Variants in NEGR1 observed in about 807,000 individuals in gnomAD.
NEGR1 encodes the protein IgLON family member 4.
NEGR1 carries 10 observed loss-of-function variants against 40.9 expected under a neutral mutation model. That is an observed-to-expected ratio of 0.24 (90% CI 0.15 to 0.42). The LOEUF is 0.42. NEGR1 is among the 10% of genes least tolerant of loss of function. The pLI, the probability that NEGR1 is intolerant of heterozygous loss-of-function variation, is 1.00. For missense variants in NEGR1, 352 were observed against 438.9 expected, an observed-to-expected ratio of 0.80 and a Z score of 1.77; for synonymous variants, 185 against 166.8, an observed-to-expected ratio of 1.11 and a Z score of -0.84.
At chr1:71,553,875 A>C (rs1648165449) in intron 6 of NEGR1, among the ~76,000 whole-genome samples, 1 of 151,134 alleles carries the variant, frequency 6.6e-6, no homozygotes, top group Non-Finnish European at 1.5e-5. Flanking sequence ...AATTACACTT[A>C]AGTACAAAAT....
chr1:71,438,560 G>A (rs1338407062), intron 6 of NEGR1, among the ~76,000 whole-genome samples: 1 of 152,144 alleles, frequency 6.6e-6, no homozygotes, highest in African/African-American at 2.4e-5. Flanking sequence ...TTGTTTGTTT[G>A]TTTGTTTGAA....
intron 6 of NEGR1, among the ~76,000 whole-genome samples, chr1:71,427,391 G>A (rs1646435446): frequency 6.6e-6 from 1 of 151,976 alleles, no homozygotes; most frequent in African/African-American, 2.4e-5. Flanking sequence ...TGTTATTGTG[G>A]GTTTGCATTT....
intron 2 of NEGR1, among the ~76,000 whole-genome samples, chr1:71,861,236 G>A (rs913730867): frequency 2.0e-5 from 3 of 151,994 alleles, no homozygotes; most frequent in African/African-American, 4.8e-5. Context: ...CATATAAAAT[G>A]ATGACACCTA....
At chr1:71,421,545 C>G (rs962483495) in intron 6 of NEGR1, 2 of 152,066 alleles carry the variant, frequency 1.3e-5, no homozygotes, top group Admixed American at 1.3e-4. Context: ...ACACTAGTAT[C>G]TAAGAGTAAC....
At chr1:72,091,074 C>T (rs112094792) in intron 1 of NEGR1, among the ~76,000 whole-genome samples, 4,639 of 152,126 alleles carry the variant, frequency 0.03, 235 homozygotes, top group African/African-American at 0.11. Context: ...TTCCACTCCT[C>T]CAAAATTGCA....
chr1:71,537,363 A>C (rs1469949947), intron 6 of NEGR1, among the ~76,000 whole-genome samples: 2 of 151,670 alleles, frequency 1.3e-5, no homozygotes, highest in Non-Finnish European at 3.0e-5. Flanking sequence ...ATCTATAATT[A>C]CTTAAATGGG....
chr1:71,933,435 T>C (rs1645873672), intron 2 of NEGR1, among the ~76,000 whole-genome samples: 2 of 152,048 alleles, frequency 1.3e-5, no homozygotes, highest in Non-Finnish European at 2.9e-5. Flanking sequence ...ACAAGCCAAA[T>C]GTCTGTGTCT....
chr1:72,107,707 G>T (rs982763079), intron 1 of NEGR1, among the ~76,000 whole-genome samples: 1 of 150,994 alleles, frequency 6.6e-6, no homozygotes, highest in African/African-American at 2.4e-5. Flanking sequence ...TATGTAGAAT[G>T]ACACAGACTT....
chr1:71,502,487 T>G (rs1437817798), intron 6 of NEGR1, among the ~76,000 whole-genome samples: 2 of 152,158 alleles, frequency 1.3e-5, no homozygotes, highest in Non-Finnish European at 2.9e-5. Context: ...TGTCTCTCAG[T>G]CCATTCTTTG....
chr1:71,925,187 A>G (rs1056022246), intron 2 of NEGR1, among the ~76,000 whole-genome samples: 2 of 152,222 alleles, frequency 1.3e-5, no homozygotes, highest in African/African-American at 4.8e-5. Flanking sequence ...GCCTGTGCTC[A>G]TGTAAAGAAG....
intron 2 of NEGR1, among the ~76,000 whole-genome samples, chr1:71,866,748 C>T (rs1660125003): frequency 6.6e-6 from 1 of 152,062 alleles, no homozygotes; most frequent in Admixed American, 6.6e-5. Context: ...AAGGGAAAAC[C>T]TAGCATATCT....
intron 4 of NEGR1, among the ~76,000 whole-genome samples, chr1:71,652,752 T>A (rs895518058): frequency 2.6e-4 from 39 of 151,882 alleles, no homozygotes; most frequent in African/African-American, 9.2e-4. Context: ...TAGTCCAAGC[T>A]ACATGAAGGG....
chr1:71,657,682 G>T (rs1490536121), intron 4 of NEGR1, among the ~76,000 whole-genome samples: 1 of 152,158 alleles, frequency 6.6e-6, no homozygotes, highest in Admixed American at 6.5e-5. Context: ...GCAGGCTGGG[G>T]ACGCTAGCCA....
At chr1:72,015,152 T>C (rs1167051053) in intron 1 of NEGR1, among the ~76,000 whole-genome samples, 2 of 152,092 alleles carry the variant, frequency 1.3e-5, no homozygotes, top group Non-Finnish European at 2.9e-5. Context: ...TTTAAAAATA[T>C]GTAATTTAAT....
chr1:71,448,670 G>T (rs1467971808), intron 6 of NEGR1, among the ~76,000 whole-genome samples: 1 of 152,120 alleles, frequency 6.6e-6, no homozygotes, highest in Non-Finnish European at 1.5e-5. Flanking sequence ...AAAGCTCTGA[G>T]AACGAGCAGT....
intron 1 of NEGR1, among the ~76,000 whole-genome samples, chr1:72,204,939 CACA>C (rs1337448179): frequency 6.6e-6 from 1 of 151,948 alleles, no homozygotes; most frequent in African/African-American, 2.4e-5. Context: ...TGGAAGGGCA[CACA>C]ACAATGCTTA....
At chr1:71,946,427 C>G (rs1282189770) in intron 1 of NEGR1, among the ~76,000 whole-genome samples, 2 of 152,054 alleles carry the variant, frequency 1.3e-5, no homozygotes, top group Non-Finnish European at 2.9e-5. Context: ...CCTATAATTT[C>G]TTACTACTAT....
At chr1:71,526,408 C>T (rs757366615) in intron 6 of NEGR1, among the ~76,000 whole-genome samples, 3 of 151,514 alleles carry the variant, frequency 2.0e-5, no homozygotes, top group Non-Finnish European at 4.4e-5. Context: ...ACAGTATACA[C>T]AGTAATAGTA....
intron 1 of NEGR1, among the ~76,000 whole-genome samples, chr1:72,220,750 A>G (rs958487628): frequency 6.6e-6 from 1 of 152,038 alleles, no homozygotes; most frequent in Non-Finnish European, 1.5e-5. Context: ...CTAGTTTGGA[A>G]ATGAACTACT....
Sources: gnomAD v4.1 joint callset for allele counts (sites outside exome capture counted in the v4.1 genomes callset) on GRCh38, gnomAD v4.1.1 for gene constraint, MANE v1.5 for transcripts, NCBI Gene and HGNC (gene_info 2026-07-23, HGNC 2026-07-21) for gene names.